FBXO11: variants seen among roughly 807,000 people sequenced by gnomAD.
FBXO11 encodes the protein F-box protein 11.
FBXO11 carries 13 observed loss-of-function variants against 117.0 expected under a neutral mutation model. The observed-to-expected ratio is 0.11, with a 90% CI of 0.07 to 0.18. The LOEUF is 0.18. Ranked by LOEUF, FBXO11 falls within the 10% of genes least tolerant of loss-of-function variation. The probability of loss-of-function intolerance (pLI) is 1.00; values close to 1 mark genes in which losing one functional copy is unlikely to be tolerated. For synonymous variants in FBXO11, 490 were observed against 380.5 expected (o/e 1.29, Z -3.35); for missense variants, 767 against 1,164.4 (o/e 0.66, Z 4.97).
At position 47,839,683 on chromosome 2, in the gene FBXO11, A is replaced by G. The variant is rs772149952; in HGVS notation, c.319T>C (p.Leu107=). The part of the protein sequence containing the change: ...SPYQLRRKTL[L]PKRTACPTKN... ...GTGGGACACGCTGTTCTTTTCGGCA[A>G]AAGAGTTTTTCTACGAAGTTGGTAT... Residue 107 remains leucine, a synonymous_variant, in exon 2 of 23, where the codon TTG becomes CTG. Transcript: ENST00000403359. The G allele has an allele frequency of 6.6e-5, 107 of 1,614,044 alleles. 1 individual carries two copies. In the South Asian group the frequency reaches 1.0e-3, roughly 15 times the overall value.
intron 11 of FBXO11, among the ~76,000 whole-genome samples, chr2:47,830,081 T>C (rs1038246412): frequency 1.3e-5 from 2 of 151,642 alleles, no homozygotes; most frequent in African/African-American, 4.8e-5. Context: ...GCAATATAAA[T>C]AACCAGAAAG....
chr2:47,891,861 G>T (rs1160795878), intron 1 of FBXO11, among the ~76,000 whole-genome samples: 1 of 152,076 alleles, frequency 6.6e-6, no homozygotes, highest in Non-Finnish European at 1.5e-5. Context: ...GCATTTCCCT[G>T]ATGATTAATG....
intron 14 of FBXO11, among the ~76,000 whole-genome samples, chr2:47,819,930 G>T (rs1671261718): frequency 1.3e-5 from 2 of 152,034 alleles, no homozygotes; most frequent in South Asian, 4.1e-4. Context: ...TTAATACACA[G>T]GTTTCAAAAT....
intron 1 of FBXO11, among the ~76,000 whole-genome samples, chr2:47,863,696 A>AG (rs902295746): frequency 2.6e-5 from 4 of 152,188 alleles, no homozygotes; most frequent in Non-Finnish European, 5.9e-5. Context: ...TCATGCCTAT[A>AG]ATCCCTGCCT....
intron 20 of FBXO11, 104 bp from the exon 21 acceptor site, chr2:47,809,370 C>CTTCA: frequency 1.3e-6 from 1 of 779,140 alleles, no homozygotes; most frequent in Non-Finnish European, 2.0e-6. Flanking sequence ...TTTTTAAGAG[C>CTTCA]TTTAAATGAA....
chr2:47,898,234 T>A (rs1021555866), intron 1 of FBXO11, among the ~76,000 whole-genome samples: 4 of 152,254 alleles, frequency 2.6e-5, no homozygotes, highest in African/African-American at 4.8e-5. Flanking sequence ...TTTTTGATAT[T>A]TGCCTTCAAC....
At chr2:47,849,006 T>A (rs1446408518) in intron 1 of FBXO11, among the ~76,000 whole-genome samples, 1 of 152,162 alleles carries the variant, frequency 6.6e-6, no homozygotes, top group Non-Finnish European at 1.5e-5. Context: ...TACTTACCCA[T>A]AGTCACAGAT....
At chr2:47,829,310 G>A (rs908140336) in intron 11 of FBXO11, among the ~76,000 whole-genome samples, 5 of 151,948 alleles carry the variant, frequency 3.3e-5, no homozygotes, top group Admixed American at 6.6e-5. Context: ...GCGCGATCTC[G>A]GCTCACTGCA....
In FBXO11 at chr2:47,884,946, C is replaced by T. The variant is rs1242865319; in HGVS notation, c.232+20543G>A. ...CTATTGCGCATCATAAGTCCATATA[C>T]TGATATCAGACATCTATTAATGAGG... On this transcript the variant is annotated intron_variant, in intron 1 of 22. Coordinates refer to ENST00000403359, the MANE Select transcript of FBXO11 (RefSeq NM_001190274.2). Among the ~76,000 whole-genome samples the T allele has an allele frequency of 2.0e-5, 3 of 152,086 alleles. No homozygotes were observed. The East Asian group carries it at 5.8e-4, about 29-fold the overall frequency.
chr2:47,865,400 C>T (rs114015476), intron 1 of FBXO11, among the ~76,000 whole-genome samples: 66 of 152,206 alleles, frequency 4.3e-4, no homozygotes, highest in African/African-American at 1.6e-3. Context: ...GAAAGAAGGC[C>T]CTTCTTCACC....
intron 21 of FBXO11, 59 bp from the exon 22 acceptor site, chr2:47,808,486 A>G: frequency 1.4e-6 from 2 of 1,426,894 alleles, no homozygotes; most frequent in South Asian, 2.7e-5. Context: ...AAAACATTCC[A>G]TTCTGTTTAT....
chr2:47,843,807 C>G (rs1368163979), intron 1 of FBXO11, among the ~76,000 whole-genome samples: 1 of 152,088 alleles, frequency 6.6e-6, no homozygotes, highest in Non-Finnish European at 1.5e-5. Flanking sequence ...ATGGCGTGAT[C>G]TCGGCTCACT....
chr2:47,905,421 C>T, intron 1 of FBXO11, 68 bp downstream of exon 1: 1 of 1,172,510 alleles, frequency 8.5e-7, no homozygotes, highest in South Asian at 3.9e-5. Context: ...CCCGCCCGCC[C>T]GCCCGCCCCG....
At chr2:47,840,235 G>A (rs531797383) in intron 1 of FBXO11, among the ~76,000 whole-genome samples, 1 of 152,148 alleles carries the variant, frequency 6.6e-6, no homozygotes, top group South Asian at 2.1e-4. Context: ...GAGCCACCAC[G>A]CCCAGCCGTG....
chr2:47,871,336 C>A (rs889255872), intron 1 of FBXO11, among the ~76,000 whole-genome samples: 1 of 152,184 alleles, frequency 6.6e-6, no homozygotes. Context: ...CCAACAGCTA[C>A]GTGAATGAGA....
intron 11 of FBXO11, among the ~76,000 whole-genome samples, chr2:47,824,656 A>G (rs929457793): frequency 4.6e-5 from 7 of 152,238 alleles, no homozygotes; most frequent in African/African-American, 1.7e-4. Context: ...AGTAGTATAC[A>G]TTATGTATAA....
chr2:47,813,047 G>A lies in FBXO11; in HGVS notation c.2227+187C>T, dbSNP rs903068084. 99 of 625,932 alleles carry A rather than the reference G, an allele frequency of 1.6e-4. 1 individual carries two copies. The highest frequency in any genetic ancestry group is 1.6e-3 in the African/African-American group (85 of 54,090). The allele number at this position is 625,932 out of a possible 1,614,324, so 38.8% of individuals were successfully genotyped here. A position where few individuals can be genotyped will look rare whatever the true frequency, so the allele number is the denominator to read the frequency against. Reference sequence around the variant, plus strand: ...CTGCAGACTCAAAGTGGCTACAAAAGGAAAAGTATTGTAAACATTTGTCTC... The same window carrying A: ...CTGCAGACTCAAAGTGGCTACAAAAAGAAAAGTATTGTAAACATTTGTCTC... On this transcript the variant is annotated intron_variant, in intron 18 of 22. Transcript: ENST00000403359.
intron 11 of FBXO11, among the ~76,000 whole-genome samples, chr2:47,825,226 T>G (rs1294051641): frequency 6.6e-6 from 1 of 152,180 alleles, no homozygotes; most frequent in Non-Finnish European, 1.5e-5. Flanking sequence ...CATTTTCTAA[T>G]AAAGAACAAA....
intron 1 of FBXO11, among the ~76,000 whole-genome samples, chr2:47,872,868 A>G (rs1675726994): frequency 6.6e-6 from 1 of 152,196 alleles, no homozygotes; most frequent in Non-Finnish European, 1.5e-5. Context: ...AAATTATGTC[A>G]TGTAACATAT....
Sources: gnomAD v4.1 joint callset for allele counts (sites outside exome capture counted in the v4.1 genomes callset) on GRCh38, gnomAD v4.1.1 for gene constraint, MANE v1.5 for transcripts, NCBI Gene and HGNC (gene_info 2026-07-23, HGNC 2026-07-21) for gene names.